Variants in UNC5D observed in about 807,000 individuals in gnomAD.
UNC5D encodes the protein unc-5 netrin receptor D.
In UNC5D, 39 loss-of-function variants were observed where a neutral mutation model predicts 105.4. The ratio of observed to expected loss-of-function variants is 0.37; its 90% CI spans 0.29 to 0.48. The LOEUF (loss-of-function observed/expected upper bound fraction) is 0.48, where lower values mean the gene tolerates loss of function less well. Ranked by LOEUF, UNC5D falls within the 20% of genes least tolerant of loss-of-function variation. The pLI is 0.98. For synonymous variants in UNC5D, 452 were observed against 450.4 expected (o/e 1.00, Z -0.04); for missense variants, 991 against 1,202.4 (o/e 0.82, Z 2.60).
At position 35,626,836 on chromosome 8, in the gene UNC5D, C is replaced by CT. The variant is rs1201892757; in HGVS notation, c.570+31189dup. 3.1e-3 allele frequency among the ~76,000 whole-genome samples: 462 copies of CT among 150,118 alleles called. 1 individual carries two copies. Among genetic ancestry groups the CT allele is most frequent in the Non-Finnish European group, 5.4e-3 (362 of 67,426 alleles). On this transcript the variant is annotated intron_variant, in intron 4 of 16. Coordinates refer to ENST00000404895, the MANE Select transcript of UNC5D (RefSeq NM_080872.4). The stretch of plus-strand genomic sequence containing the variant: ...TATATATGAAAACACCTTGCTGATA[C>CT]TTTTTTTTTTCTCCCAGGTATCTGG...
At chr8:35,773,861 T>C (rs546858259) in intron 15 of UNC5D, among the ~76,000 whole-genome samples, 5 of 152,278 alleles carry the variant, frequency 3.3e-5, no homozygotes, top group African/African-American at 1.2e-4. Context: ...TAGCTGTGAT[T>C]ACAGGCACCT....
At chr8:35,576,610 G>A (rs1033476252) in intron 3 of UNC5D, among the ~76,000 whole-genome samples, 1 of 151,958 alleles carries the variant, frequency 6.6e-6, no homozygotes, top group Non-Finnish European at 1.5e-5. Context: ...TTGTTTGTTT[G>A]TTTGTTTGTT....
At chr8:35,489,296 C>CT (rs1353838160) in intron 1 of UNC5D, among the ~76,000 whole-genome samples, 1 of 152,140 alleles carries the variant, frequency 6.6e-6, no homozygotes, top group Non-Finnish European at 1.5e-5. Flanking sequence ...GTATGAGCCA[C>CT]TGTGCCTGGC....
chr8:35,606,925 A>T (rs1469666626), intron 4 of UNC5D, among the ~76,000 whole-genome samples: 2 of 152,130 alleles, frequency 1.3e-5, no homozygotes, highest in African/African-American at 4.8e-5. Context: ...GGCTTCTAGG[A>T]GGTGAGCAGC....
intron 4 of UNC5D, among the ~76,000 whole-genome samples, chr8:35,651,770 G>A (rs1190004405): frequency 1.3e-5 from 2 of 151,892 alleles, no homozygotes; most frequent in African/African-American, 2.4e-5. Flanking sequence ...CACTCTTCTG[G>A]GTCTTGCTTA....
chr8:35,630,005 G>T (rs1318318527), intron 4 of UNC5D, among the ~76,000 whole-genome samples: 1 of 151,924 alleles, frequency 6.6e-6, no homozygotes, highest in Non-Finnish European at 1.5e-5. Flanking sequence ...TCCTTCCCTG[G>T]CAGTCTTTTT....
intron 1 of UNC5D, among the ~76,000 whole-genome samples, chr8:35,496,370 C>CTGGCTGTAGTATA (rs1303261063): frequency 6.6e-6 from 1 of 152,146 alleles, no homozygotes; most frequent in Non-Finnish European, 1.5e-5. Context: ...AAAGATCTTT[C>CTGGCTGTAGTATA]TGGCTGTAGT....
chr8:35,464,889 A>G (rs1235055784), intron 1 of UNC5D, among the ~76,000 whole-genome samples: 1 of 152,192 alleles, frequency 6.6e-6, no homozygotes, highest in Non-Finnish European at 1.5e-5. Flanking sequence ...CAGAAACCTG[A>G]TAACATTCAG....
chr8:35,344,001 C>G lies in UNC5D; in HGVS notation c.103+108114C>G, dbSNP rs1392309365. ...TGTACTGATCAATGCTAGAGAATTTCAGAGACTGCTGTGACTAGTGTCACC... is the reference window on the plus strand; with the variant it reads ...TGTACTGATCAATGCTAGAGAATTTGAGAGACTGCTGTGACTAGTGTCACC... On this transcript the variant is annotated intron_variant, in intron 1 of 16. Coordinates refer to ENST00000404895, the MANE Select transcript of UNC5D (RefSeq NM_080872.4). Among the ~76,000 whole-genome samples the G allele has an allele frequency of 2.0e-5, 3 of 152,076 alleles. No homozygotes were observed. In the East Asian group the frequency reaches 5.8e-4, roughly 29 times the overall value.
chr8:35,580,126 T>C (rs557052121), intron 3 of UNC5D, among the ~76,000 whole-genome samples: 2 of 152,288 alleles, frequency 1.3e-5, no homozygotes, highest in South Asian at 4.1e-4. Flanking sequence ...AAGTAGGTTA[T>C]GAATAGGGTA....
rs187360147 is a variant in UNC5D at position 35,407,916 on chromosome 8, C to T, written c.104-141376C>T. ...AGTATTCCATGGTATATATGTACCA[C>T]ATTTTCTTTATCCAGTCTATCCACA... On this transcript the variant is annotated intron_variant, in intron 1 of 16. Transcript: ENST00000404895. Among the ~76,000 whole-genome samples, 178 of 152,232 alleles carry T rather than the reference C, an allele frequency of 1.2e-3. 1 individual carries two copies. Among genetic ancestry groups the T allele is most frequent in the Admixed American group, 3.9e-3 (59 of 15,278 alleles).
At chr8:35,380,203 G>A (rs1247724670) in intron 1 of UNC5D, among the ~76,000 whole-genome samples, 1 of 148,964 alleles carries the variant, frequency 6.7e-6, no homozygotes, top group African/African-American at 2.5e-5. Context: ...GAGAGGGAGA[G>A]AGAGAGAGAG....
chr8:35,401,318 T>C (rs1367171602), intron 1 of UNC5D, among the ~76,000 whole-genome samples: 1 of 152,108 alleles, frequency 6.6e-6, no homozygotes, highest in Non-Finnish European at 1.5e-5. Context: ...ATCCCGTCTC[T>C]ACTAAAAATA....
At position 35,701,842 on chromosome 8, in the gene UNC5D, G is replaced by A. The variant is rs146334392; in HGVS notation, c.1085-4087G>A. Among the ~76,000 whole-genome samples, 56 of 150,682 alleles carry A rather than the reference G, an allele frequency of 3.7e-4. 2 individuals carry two copies. Among genetic ancestry groups the A allele is most frequent in the African/African-American group, 1.3e-3 (54 of 41,230 alleles). ...CTAGGCTTGTATATATAACTTAACA[G>A]TGGTTATCCCTTGGTGCTGGAATTA... is the stretch of plus-strand genomic sequence containing the variant. On this transcript the variant is annotated intron_variant, in intron 7 of 16. Coordinates refer to ENST00000404895, the MANE Select transcript of UNC5D (RefSeq NM_080872.4).
chr8:35,773,348 G>T (rs557488075), intron 15 of UNC5D, among the ~76,000 whole-genome samples: 5 of 152,120 alleles, frequency 3.3e-5, no homozygotes, highest in African/African-American at 4.8e-5. Flanking sequence ...CACTATACAG[G>T]CTGGTCTATA....
intron 8 of UNC5D, among the ~76,000 whole-genome samples, chr8:35,715,111 A>G (rs918111683): frequency 3.9e-5 from 6 of 152,222 alleles, no homozygotes; most frequent in African/African-American, 7.2e-5. Context: ...AGATTGTGCT[A>G]TTGCACTCTA....
At position 35,611,263 on chromosome 8, in the gene UNC5D, G is replaced by A. The variant is rs748606818; in HGVS notation, c.570+15606G>A. 1.1e-4 allele frequency among the ~76,000 whole-genome samples: 17 copies of A among 151,852 alleles called. No individual in the cohort carries two copies. In the South Asian group the frequency reaches 1.2e-3, roughly 11 times the overall value. On this transcript the variant is annotated intron_variant, in intron 4 of 16. Coordinates refer to ENST00000404895, the MANE Select transcript of UNC5D (RefSeq NM_080872.4). ...GAGCTGCTAAGACCAGCCTACTCCC[G>A]TGAGCTCTACCTCTCCCAAACATTG...
Position 35,235,486 on chromosome 8 carries a change from G to A in UNC5D, c.-299G>A, listed in dbSNP as rs1026659394. Reference sequence around the variant, plus strand: ...CTCTCGCCTCCGCTCCGTAGTTCGGGGCCCGGCAGCGGCGCGAGGGCTGGG... The same window carrying A: ...CTCTCGCCTCCGCTCCGTAGTTCGGAGCCCGGCAGCGGCGCGAGGGCTGGG... On this transcript the variant is annotated 5_prime_UTR_variant, in exon 1 of 17. Transcript: ENST00000404895. The A allele has an allele frequency of 3.2e-5, 9 of 281,256 alleles. No individual in the cohort carries two copies. Among genetic ancestry groups the A allele is most frequent in the Non-Finnish European group, 5.3e-5 (8 of 152,022 alleles). 17.4% of individuals were successfully genotyped at this position (281,256 alleles called of 1,614,324 possible).
intron 1 of UNC5D, among the ~76,000 whole-genome samples, chr8:35,447,065 C>T (rs192614442): frequency 1.6e-4 from 24 of 152,058 alleles, no homozygotes; most frequent in African/African-American, 3.1e-4. Context: ...CATTTTGGTG[C>T]GACAATTTTT....
Sources: allele counts gnomAD v4.1 joint callset (sites outside exome capture counted in the v4.1 genomes callset), GRCh38; gene constraint gnomAD v4.1.1; transcripts MANE v1.5; gene names NCBI Gene and HGNC (gene_info 2026-07-23, HGNC 2026-07-21).